The following SOX6 variants were observed in gnomAD, a reference collection of about 807,000 sequenced individuals.
The protein encoded by SOX6 is transcription factor SOX-6.
A neutral mutation model predicts 97.8 loss-of-function variants in SOX6; 11 were observed. The observed-to-expected ratio is 0.11, with a 90% CI of 0.07 to 0.19. The LOEUF (loss-of-function observed/expected upper bound fraction) is 0.19, where lower values mean the gene tolerates loss of function less well. Ranked by LOEUF, SOX6 falls within the 10% of genes least tolerant of loss-of-function variation. SOX6 has a pLI of 1.00. For synonymous variants in SOX6, 360 were observed against 371.4 expected (o/e 0.97, Z 0.35); for missense variants, 810 against 1,039.5 (o/e 0.78, Z 3.04).
chr11:16,251,537 A>G (rs571436608), intron 3 of SOX6, among the ~76,000 whole-genome samples: 1 of 152,182 alleles, frequency 6.6e-6, no homozygotes, highest in Non-Finnish European at 1.5e-5. Flanking sequence ...CCTGCAAAAT[A>G]TACATATCAA....
intron 3 of SOX6, among the ~76,000 whole-genome samples, chr11:16,628,008 A>G (rs888876018): frequency 3.9e-5 from 6 of 152,164 alleles, no homozygotes; most frequent in Non-Finnish European, 5.9e-5. Context: ...TTCATTCTGC[A>G]TATGACTAGC....
chr11:16,528,963 G>T (rs981533291), intron 4 of SOX6, among the ~76,000 whole-genome samples: 1 of 151,854 alleles, frequency 6.6e-6, no homozygotes, highest in African/African-American at 2.4e-5. Flanking sequence ...CTACCTTATG[G>T]GCATTGAGTG....
chr11:16,345,465 A>C (rs1038762079), intron 1 of SOX6, among the ~76,000 whole-genome samples: 1 of 152,032 alleles, frequency 6.6e-6, no homozygotes, highest in Non-Finnish European at 1.5e-5. Context: ...ATTGCTGGAG[A>C]TAAAGCCTCC....
At chr11:16,439,765 G>C (rs1859467047) in intron 1 of SOX6, among the ~76,000 whole-genome samples, 1 of 152,160 alleles carries the variant, frequency 6.6e-6, no homozygotes, top group Non-Finnish European at 1.5e-5. Flanking sequence ...CAGGGAAACA[G>C]TATACAGTTG....
intron 3 of SOX6, among the ~76,000 whole-genome samples, chr11:16,622,662 A>T (rs1454493794): frequency 2.0e-5 from 3 of 152,112 alleles, no homozygotes; most frequent in Non-Finnish European, 2.9e-5. Context: ...TTATCCATTC[A>T]TTGACTGATG....
intron 3 of SOX6, among the ~76,000 whole-genome samples, chr11:16,640,457 A>G (rs1460259032): frequency 6.6e-6 from 1 of 152,074 alleles, no homozygotes; most frequent in Admixed American, 6.6e-5. Flanking sequence ...CTCTTTTTCT[A>G]TTGATTGGAA....
intron 3 of SOX6, among the ~76,000 whole-genome samples, chr11:16,650,530 G>T (rs548912908): frequency 7.1e-6 from 1 of 141,382 alleles, no homozygotes; most frequent in East Asian, 2.1e-4. Flanking sequence ...AATAATCTTT[G>T]GGCCAACAAT....
chr11:16,659,314 T>C (rs1847748339), intron 3 of SOX6, among the ~76,000 whole-genome samples: 1 of 152,198 alleles, frequency 6.6e-6, no homozygotes, highest in African/African-American at 2.4e-5. Flanking sequence ...CTTTATTGAA[T>C]TGCCTTTGCA....
chr11:16,400,349 A>G (rs1442924636), intron 1 of SOX6, among the ~76,000 whole-genome samples: 1 of 151,496 alleles, frequency 6.6e-6, no homozygotes, highest in Non-Finnish European at 1.5e-5. Flanking sequence ...GAAGACATTT[A>G]AGCAAAAACT....
At chr11:16,502,379 T>G (rs1860721974) in intron 4 of SOX6, among the ~76,000 whole-genome samples, 2 of 151,994 alleles carry the variant, frequency 1.3e-5, no homozygotes, top group Non-Finnish European at 2.9e-5. Flanking sequence ...AGTTAATGGG[T>G]GCAGCACACC....
rs547295854 is a variant in SOX6 at position 16,563,873 on chromosome 11, C to A, written n.609+48208G>T. 6.3e-4 allele frequency among the ~76,000 whole-genome samples: 96 copies of A among 152,156 alleles called. No individual in the cohort carries two copies. The South Asian group carries it at 7.1e-3, about 11-fold the overall frequency. Reference sequence around the variant, plus strand: ...AAAAGCATCCAAAGAAAAATGACACCTTACCTATAAGGGGAAAATAATTCA... The same window carrying A: ...AAAAGCATCCAAAGAAAAATGACACATTACCTATAAGGGGAAAATAATTCA... On this transcript the variant is annotated intron_variant and non_coding_transcript_variant, in intron 4 of 5. Coordinates refer to the SOX6 transcript ENST00000524520.
intron 3 of SOX6, among the ~76,000 whole-genome samples, chr11:16,701,357 A>G (rs1349211863): frequency 6.6e-6 from 1 of 152,218 alleles, no homozygotes; most frequent in Non-Finnish European, 1.5e-5. Flanking sequence ...ATTTTTGTGA[A>G]TATTAAATAA....
intron 1 of SOX6, among the ~76,000 whole-genome samples, chr11:16,451,983 A>AAATAAAT (rs140349010): frequency 7.0e-6 from 1 of 143,864 alleles, no homozygotes; most frequent in Admixed American, 7.0e-5. Context: ...ACCCTATCTA[A>AAATAAAT]AAATAAATAA....
chr11:16,705,391 G>A (rs1366167335), intron 3 of SOX6, among the ~76,000 whole-genome samples: 3 of 152,112 alleles, frequency 2.0e-5, no homozygotes, highest in East Asian at 1.9e-4. Context: ...TTGGAAGGTC[G>A]AGGCAGGAGG....
intron 3 of SOX6, among the ~76,000 whole-genome samples, chr11:16,632,847 G>A (rs745709005): frequency 3.9e-5 from 6 of 152,224 alleles, no homozygotes; most frequent in African/African-American, 1.4e-4. Flanking sequence ...CACAGGAGGA[G>A]CGGAGTGGCT....
intron 4 of SOX6, among the ~76,000 whole-genome samples, chr11:16,210,088 C>G (rs1852178858): frequency 6.6e-6 from 1 of 152,052 alleles, no homozygotes; most frequent in Non-Finnish European, 1.5e-5. Context: ...ATCAGTTCCT[C>G]CAAAGGTTAA....
intron 9 of SOX6, among the ~76,000 whole-genome samples, chr11:16,077,632 A>G (rs1848386508): frequency 6.6e-6 from 1 of 152,224 alleles, no homozygotes; most frequent in Non-Finnish European, 1.5e-5. Flanking sequence ...AGCCATGAAA[A>G]AGAACCAGAT....
At chr11:16,553,941 T>C (rs1473484097) in intron 4 of SOX6, among the ~76,000 whole-genome samples, 1 of 152,060 alleles carries the variant, frequency 6.6e-6, no homozygotes, top group Non-Finnish European at 1.5e-5. Context: ...ATATAACATA[T>C]ATGTTACAGA....
intron 4 of SOX6, among the ~76,000 whole-genome samples, chr11:16,196,094 C>G (rs1006301009): frequency 6.6e-6 from 1 of 152,122 alleles, no homozygotes; most frequent in African/African-American, 2.4e-5. Context: ...CCACTATGCC[C>G]CTTCATACAA....
Sources: allele counts gnomAD v4.1 joint callset (sites outside exome capture counted in the v4.1 genomes callset), GRCh38; gene constraint gnomAD v4.1.1; transcripts MANE v1.5; gene names NCBI Gene and HGNC (gene_info 2026-07-23, HGNC 2026-07-21).